The following PALM2AKAP2 variants were observed in gnomAD, a reference collection of about 807,000 sequenced individuals.
PALM2AKAP2 encodes PALM2 and AKAP2 fusion.
A neutral mutation model predicts 71.5 loss-of-function variants in PALM2AKAP2; 37 were observed. The ratio of observed to expected loss-of-function variants is 0.52; its 90% CI spans 0.40 to 0.68. The LOEUF is 0.68. PALM2AKAP2 is among the 30% of genes least tolerant of loss of function. The pLI is 0.00. For missense variants in PALM2AKAP2, 1,224 were observed against 1,191.8 expected (o/e 1.03, Z -0.40); for synonymous variants, 468 against 478.8 (o/e 0.98, Z 0.29).
chr9:109,883,707 G>C (rs1829905177), intron 3 of PALM2AKAP2, among the ~76,000 whole-genome samples: 1 of 152,220 alleles, frequency 6.6e-6, no homozygotes, highest in South Asian at 2.1e-4. Flanking sequence ...CTCACAGAAT[G>C]ACATTTGAAT....
At chr9:109,677,574 A>G (rs963249626) in intron 1 of PALM2AKAP2, among the ~76,000 whole-genome samples, 4 of 151,912 alleles carry the variant, frequency 2.6e-5, no homozygotes, top group Non-Finnish European at 5.9e-5. Context: ...AAGCTGAGGC[A>G]GGAGAATCAC....
chr9:110,040,288 ATAGT>A (rs530503356), intron 7 of PALM2AKAP2, among the ~76,000 whole-genome samples: 5 of 152,316 alleles, frequency 3.3e-5, no homozygotes, highest in Admixed American at 1.3e-4. Flanking sequence ...TATAATCGTA[ATAGT>A]TACTTAGAGA....
intron 1 of PALM2AKAP2, among the ~76,000 whole-genome samples, chr9:110,071,378 G>T (rs546639538): frequency 2.0e-5 from 3 of 152,096 alleles, no homozygotes; most frequent in Admixed American, 6.6e-5. Flanking sequence ...CTTCTCCCAA[G>T]GAAATGACTA....
At chr9:109,932,262 T>C (rs1831123875) in intron 6 of PALM2AKAP2, among the ~76,000 whole-genome samples, 1 of 152,238 alleles carries the variant, frequency 6.6e-6, no homozygotes, top group South Asian at 2.1e-4. Flanking sequence ...CACCTCCGAC[T>C]TCGGGGGAGT....
chr9:109,972,070 T>G (rs1170344380), intron 6 of PALM2AKAP2, among the ~76,000 whole-genome samples: 1 of 152,246 alleles, frequency 6.6e-6, no homozygotes, highest in Non-Finnish European at 1.5e-5. Flanking sequence ...GTTCATTGTT[T>G]GCACATCTGT....
At chr9:109,923,924 GA>G in intron 4 of PALM2AKAP2, 75 bp downstream of exon 4, 1 of 1,390,114 alleles carries the variant, frequency 7.2e-7, no homozygotes. Flanking sequence ...TGCTAACTGG[GA>G]AACAGGCCAG....
At chr9:109,854,230 C>T (rs1307584196) in intron 1 of PALM2AKAP2, among the ~76,000 whole-genome samples, 1 of 152,108 alleles carries the variant, frequency 6.6e-6, no homozygotes, top group Non-Finnish European at 1.5e-5. Context: ...TTGGTCACCA[C>T]CAAAGAGGAG....
At chr9:109,666,237 G>A (rs542472563) in intron 1 of PALM2AKAP2, among the ~76,000 whole-genome samples, 1 of 152,302 alleles carries the variant, frequency 6.6e-6, no homozygotes, top group South Asian at 2.1e-4. Context: ...AGGTACCTCA[G>A]TTGGAAATGC....
At chr9:109,758,438 T>G (rs1828999537) in intron 1 of PALM2AKAP2, among the ~76,000 whole-genome samples, 6 of 152,140 alleles carry the variant, frequency 3.9e-5, no homozygotes, top group Admixed American at 3.9e-4. Flanking sequence ...ATAAAGGTTG[T>G]TCCGTTATTA....
chr9:109,841,311 A>G (rs1430397323), intron 1 of PALM2AKAP2, among the ~76,000 whole-genome samples: 3 of 148,770 alleles, frequency 2.0e-5, no homozygotes, highest in Non-Finnish European at 3.0e-5. Context: ...GTGGGAATTG[A>G]ACAATGAGAA....
chr9:110,044,223 A>G (rs964883871), upstream of PALM2AKAP2, among the ~76,000 whole-genome samples: 3 of 151,866 alleles, frequency 2.0e-5, no homozygotes, highest in African/African-American at 7.3e-5. Flanking sequence ...CTAGCTTTTC[A>G]GTGAGGTCAC....
chr9:109,734,048 A>G (rs142946404), intron 1 of PALM2AKAP2, among the ~76,000 whole-genome samples: 94 of 152,350 alleles, frequency 6.2e-4, no homozygotes, highest in African/African-American at 2.2e-3. Context: ...ATTCTAGATG[A>G]TTTAACCTTG....
At chr9:109,654,871 T>A (rs1414673054) in intron 1 of PALM2AKAP2, among the ~76,000 whole-genome samples, 1 of 152,166 alleles carries the variant, frequency 6.6e-6, no homozygotes. Context: ...AGTTTTTCTT[T>A]TCTTTCCCCA....
intron 1 of PALM2AKAP2, among the ~76,000 whole-genome samples, chr9:109,826,652 C>G (rs1468332546): frequency 6.6e-6 from 1 of 152,052 alleles, no homozygotes; most frequent in African/African-American, 2.4e-5. Flanking sequence ...AGAAAGTTTA[C>G]TTAAATAATT....
chr9:110,153,231 T>G (rs1836367309), intron 2 of PALM2AKAP2, among the ~76,000 whole-genome samples: 1 of 152,258 alleles, frequency 6.6e-6, no homozygotes. Context: ...ACATTCTTTC[T>G]GCATACATCC....
intron 6 of PALM2AKAP2, among the ~76,000 whole-genome samples, chr9:109,937,575 G>A (rs1831256124): frequency 6.6e-6 from 1 of 152,082 alleles, no homozygotes; most frequent in South Asian, 2.1e-4. Context: ...TGTCTCGCTG[G>A]CTTCTTGGAA....
intron 1 of PALM2AKAP2, among the ~76,000 whole-genome samples, chr9:110,129,790 C>T (rs562612248): frequency 6.6e-6 from 1 of 152,300 alleles, no homozygotes; most frequent in East Asian, 1.9e-4. Flanking sequence ...TCCTCTGCTT[C>T]CCATGTGACT....
chr9:109,727,735 A>G (rs967904492), intron 1 of PALM2AKAP2, among the ~76,000 whole-genome samples: 13 of 152,048 alleles, frequency 8.5e-5, no homozygotes, highest in Admixed American at 6.5e-4. Context: ...CATGCACCGT[A>G]GTTAATGTTT....
chr9:110,154,068 A>T lies in PALM2AKAP2; in HGVS notation c.2570-2251A>T, dbSNP rs114404349. On this transcript the variant is annotated intron_variant, in intron 2 of 3. Transcript: ENST00000374525. The stretch of plus-strand genomic sequence containing the variant: ...GTCCCAGAAGAGATGCAAAAATTTT[A>T]TGCAGAATATGCATGAAATTGTTCA... Among the ~76,000 whole-genome samples, 334 of 152,360 alleles carry T rather than the reference A, an allele frequency of 2.2e-3. 2 individuals are homozygous for T. The highest frequency in any genetic ancestry group is 7.9e-3 in the African/African-American group (327 of 41,588).
Sources: allele counts gnomAD v4.1 joint callset (sites outside exome capture counted in the v4.1 genomes callset), GRCh38; gene constraint gnomAD v4.1.1; transcripts MANE v1.5; gene names NCBI Gene and HGNC (gene_info 2026-07-23, HGNC 2026-07-21).